FGGY: variants seen among roughly 807,000 people sequenced by gnomAD.
FGGY encodes the protein FGGY carbohydrate kinase domain-containing protein.
Under a neutral mutation model 71.3 loss-of-function variants are expected in FGGY, and 72 were observed. The ratio of observed to expected loss-of-function variants is 1.01; its 90% CI spans 0.84 to 1.23. The LOEUF is 1.23. Among genes scored for constraint, FGGY ranks in the 50% most tolerant of loss-of-function variants. FGGY has a pLI of 0.00. For missense variants in FGGY, 668 were observed against 682.3 expected (o/e 0.98, Z 0.23); for synonymous variants, 251 against 250.3 (o/e 1.00, Z -0.02).
intron 5 of FGGY, among the ~76,000 whole-genome samples, chr1:59,403,554 C>G (rs1388270776): frequency 6.6e-6 from 1 of 152,140 alleles, no homozygotes; most frequent in East Asian, 1.9e-4. Flanking sequence ...AGTGACTGAA[C>G]TCGGACTTGA....
chr1:59,673,520 C>A (rs1022877833), intron 13 of FGGY: 2 of 154,670 alleles, frequency 1.3e-5, no homozygotes, highest in African/African-American at 4.8e-5. Flanking sequence ...GTGGCATGCA[C>A]CCTGAGAGAG....
At chr1:59,488,634 A>T (rs2093729599) in intron 6 of FGGY, among the ~76,000 whole-genome samples, 1 of 150,538 alleles carries the variant, frequency 6.6e-6, no homozygotes, top group Non-Finnish European at 1.5e-5. Flanking sequence ...TACACAATTG[A>T]AATACTTTAT....
At chr1:59,517,383 A>T (rs1193022118) in intron 7 of FGGY, among the ~76,000 whole-genome samples, 1 of 146,612 alleles carries the variant, frequency 6.8e-6, no homozygotes, top group Admixed American at 7.0e-5. Flanking sequence ...CTCCTGCCTC[A>T]GCCTCCCAAG....
At chr1:59,699,150 C>T (rs1251934892) in intron 14 of FGGY, 5 of 985,370 alleles carry the variant, frequency 5.1e-6, no homozygotes, top group Non-Finnish European at 6.0e-6. Flanking sequence ...ATACCACAAA[C>T]TTTTAGTATC....
At position 59,556,055 on chromosome 1, in the gene FGGY, A is replaced by G. The variant is rs111572031; in HGVS notation, c.903+1828A>G. 5.3e-3 allele frequency among the ~76,000 whole-genome samples: 806 copies of G among 152,308 alleles called. 5 individuals are homozygous for G. The highest frequency in any genetic ancestry group is 0.018 in the African/African-American group (765 of 41,582). ...TTCTTCTGCTCAGCAGCCCTTTTGT[A>G]AGGCTCAGCTGTCCCTGAAGGGAGA... On this transcript the variant is annotated intron_variant, in intron 8 of 15. Transcript: ENST00000303721.
intron 6 of FGGY, among the ~76,000 whole-genome samples, 167 bp from the exon 7 acceptor site, chr1:59,512,144 A>G (rs1169398329): frequency 6.6e-6 from 1 of 152,236 alleles, no homozygotes; most frequent in Non-Finnish European, 1.5e-5. Flanking sequence ...AAGCACGTAC[A>G]CTAAAGTCAC....
chr1:59,689,240 G>C (rs943990657), intron 14 of FGGY, among the ~76,000 whole-genome samples: 1 of 152,146 alleles, frequency 6.6e-6, no homozygotes, highest in Admixed American at 6.5e-5. Flanking sequence ...CTTGAAATGG[G>C]CTGGAGTGGA....
intron 14 of FGGY, among the ~76,000 whole-genome samples, chr1:59,713,681 G>A (rs2097819057): frequency 6.6e-6 from 1 of 152,276 alleles, no homozygotes; most frequent in East Asian, 1.9e-4. Context: ...ATAAAAAGCT[G>A]ACAATTATGT....
At chr1:59,532,127 G>A (rs2095162178) in intron 7 of FGGY, among the ~76,000 whole-genome samples, 1 of 152,152 alleles carries the variant, frequency 6.6e-6, no homozygotes, top group Non-Finnish European at 1.5e-5. Context: ...CAAATTATAG[G>A]AGAAGATGGA....
chr1:59,374,616 G>C (rs2058318700), intron 4 of FGGY, among the ~76,000 whole-genome samples: 1 of 152,020 alleles, frequency 6.6e-6, no homozygotes, highest in African/African-American at 2.4e-5. Flanking sequence ...TATGTTTATT[G>C]CGGCACTGTT....
At chr1:59,376,689 C>G (rs1444334130) in intron 4 of FGGY, among the ~76,000 whole-genome samples, 1 of 152,068 alleles carries the variant, frequency 6.6e-6, no homozygotes, top group Non-Finnish European at 1.5e-5. Flanking sequence ...TGTGTGTTAC[C>G]CTGCGGCAGG....
At chr1:59,721,918 T>A (rs1163229141) in intron 14 of FGGY, among the ~76,000 whole-genome samples, 1 of 152,204 alleles carries the variant, frequency 6.6e-6, no homozygotes. Context: ...TATCCAATAG[T>A]GTTTACTTGT....
intron 8 of FGGY, among the ~76,000 whole-genome samples, chr1:59,597,509 A>G (rs2096535717): frequency 6.6e-6 from 1 of 152,152 alleles, no homozygotes; most frequent in Admixed American, 6.5e-5. Flanking sequence ...AGTCTTTTAA[A>G]AAAAAGTTAA....
chr1:59,564,584 A>G (rs2095845763), intron 8 of FGGY, among the ~76,000 whole-genome samples: 1 of 152,232 alleles, frequency 6.6e-6, no homozygotes, highest in South Asian at 2.1e-4. Flanking sequence ...CGTTAGGGAA[A>G]TGCAAGTGAA....
At chr1:59,537,098 C>G (rs1386374185) in intron 7 of FGGY, among the ~76,000 whole-genome samples, 1 of 150,788 alleles carries the variant, frequency 6.6e-6, no homozygotes, top group Non-Finnish European at 1.5e-5. Flanking sequence ...CTAGAAAACC[C>G]CATTGTCTCA....
chr1:59,331,745 A>G lies in FGGY; in HGVS notation c.202-8213A>G, dbSNP rs1025958581. On this transcript the variant is annotated intron_variant, in intron 2 of 15. Coordinates refer to ENST00000303721, the MANE Select transcript of FGGY (RefSeq NM_018291.5). ...TCTCTCCATTGTTTTTCCAATACCT[A>G]GAAGAGAAAATTCTGCACAGCCTGA... is the stretch of plus-strand genomic sequence containing the variant. 5 of 152,210 alleles carry G rather than the reference A, an allele frequency of 3.3e-5. No homozygotes were observed. In the East Asian group the frequency reaches 7.7e-4, roughly 23 times the overall value. The allele number at this position is 152,210 out of a possible 1,614,324, so 9.4% of individuals were successfully genotyped here.
chr1:59,418,262 A>G (rs1053369528), intron 5 of FGGY, among the ~76,000 whole-genome samples: 1 of 152,198 alleles, frequency 6.6e-6, no homozygotes, highest in Non-Finnish European at 1.5e-5. Flanking sequence ...GATAGTAAAT[A>G]TTTTGGCTTT....
At position 59,522,522 on chromosome 1, in the gene FGGY, G is replaced by A. The variant is rs553454168; in HGVS notation, c.799+10083G>A. Among the ~76,000 whole-genome samples, 12 of 152,328 alleles carry A rather than the reference G, an allele frequency of 7.9e-5. No homozygotes were observed. In the East Asian group the frequency reaches 1.7e-3, roughly 22 times the overall value. On this transcript the variant is annotated intron_variant, in intron 7 of 15. Transcript: ENST00000303721. ...GAATAAGGCCAGGCTTATTAGATCA[G>A]GGTAGGAATGGGATGCGTAGCTATT...
intron 5 of FGGY, among the ~76,000 whole-genome samples, chr1:59,401,014 A>G (rs2061894752): frequency 1.3e-5 from 2 of 152,152 alleles, no homozygotes; most frequent in South Asian, 4.1e-4. Flanking sequence ...GAGAATTATA[A>G]TATCTCATTT....
Sources: allele counts gnomAD v4.1 joint callset (sites outside exome capture counted in the v4.1 genomes callset), GRCh38; gene constraint gnomAD v4.1.1; transcripts MANE v1.5; gene names NCBI Gene and HGNC (gene_info 2026-07-23, HGNC 2026-07-21).